Variants in PKLR observed in about 807,000 individuals in gnomAD.
PKLR encodes the protein pyruvate kinase PKLR.
A neutral mutation model predicts 53.6 loss-of-function variants in PKLR; 38 were observed. The ratio of observed to expected loss-of-function variants is 0.71; its 90% CI spans 0.55 to 0.93. The LOEUF (loss-of-function observed/expected upper bound fraction) is 0.93. PKLR is among the 40% of genes least tolerant of loss of function. The pLI, the probability that PKLR is intolerant of heterozygous loss-of-function variation, is 0.00. For synonymous variants in PKLR, 328 were observed against 316.2 expected (o/e 1.04, Z -0.39); for missense variants, 702 against 787.3 (o/e 0.89, Z 1.30).
upstream of PKLR, among the ~76,000 whole-genome samples, chr1:155,304,036 A>C (rs1648164217): frequency 1.3e-5 from 2 of 152,146 alleles, no homozygotes; most frequent in Non-Finnish European, 1.5e-5. Context: ...CGTGGCCCAT[A>C]GTGAAGATAG....
In PKLR at chr1:155,293,215, G is replaced by A. The variant is rs1463254465; in HGVS notation, c.1398C>T (p.Cys466=). 4 of 1,614,048 alleles carry A rather than the reference G, an allele frequency of 2.5e-6. No homozygotes were observed. Among genetic ancestry groups the A allele is most frequent in the Non-Finnish European group, 3.4e-6 (4 of 1,180,004 alleles). The part of the protein sequence containing the change: ...AIGAVEAAFK[C]CAAAIIVLTT... ...TCAGCACAATGATGGCAGCAGCACA[G>A]CACTTGAAGGCAGCCTCCACAGCAC... is the stretch of plus-strand genomic sequence containing the variant. The change falls in exon 9 of 11, where the codon TGC becomes TGT. Residue 466 remains cysteine, a synonymous_variant. Transcript: ENST00000342741. This position sits in a 1 kb window ranked among gnomAD's most constrained non-coding sequence, Gnocchi z 4.2.
upstream of PKLR, among the ~76,000 whole-genome samples, chr1:155,304,548 G>A (rs765843060): frequency 2.6e-5 from 4 of 151,770 alleles, no homozygotes; most frequent in African/African-American, 7.3e-5. Flanking sequence ...CAGTGAAGAC[G>A]AAGAGAGGGG....
At chr1:155,308,614 C>T in the PKLR span, 1 of 985,484 alleles carries the variant, frequency 1.0e-6, no homozygotes, top group Admixed American at 6.1e-5. Context: ...GCCAAAGCCA[C>T]AGCGGGGACG....
upstream of PKLR, among the ~76,000 whole-genome samples, chr1:155,304,575 A>G (rs758916797): frequency 2.0e-5 from 3 of 152,046 alleles, 1 homozygote; most frequent in Non-Finnish European, 2.9e-5. Context: ...TTGGAGATGC[A>G]TTTTGGAGAA....
chr1:155,296,882 G>A (rs1201913990), intron 2 of PKLR, among the ~76,000 whole-genome samples: 2 of 151,660 alleles, frequency 1.3e-5, no homozygotes, highest in African/African-American at 4.8e-5. Context: ...CACTGCATCT[G>A]TTCTTGTCAA....
In PKLR at chr1:155,292,594, A is replaced by G. The variant is rs779828000; in HGVS notation, c.1436+583T>C. Among the ~76,000 whole-genome samples the G allele has an allele frequency of 3.9e-5, 6 of 152,302 alleles. No homozygotes were observed. In the South Asian group the frequency reaches 1.2e-3, roughly 32 times the overall value. ...GAAGGTTGTGGTGAGCTGAGATTGCACCATTTTACTCCAGCCTGAGCAACA... is the reference window on the plus strand; with the variant it reads ...GAAGGTTGTGGTGAGCTGAGATTGCGCCATTTTACTCCAGCCTGAGCAACA... On this transcript the variant is annotated intron_variant, in intron 9 of 10. Coordinates refer to ENST00000342741, the MANE Select transcript of PKLR (RefSeq NM_000298.6).
chr1:155,299,038 T>TTCTTTCTTTCTTTCTTTC (rs1647819141), intron 2 of PKLR, among the ~76,000 whole-genome samples: 2 of 69,122 alleles, frequency 2.9e-5, no homozygotes, highest in African/African-American at 1.7e-4. Context: ...TTCTTTCTCT[T>TTCTTTCTTTCTTTCTTTC]TCTTTCTTTC....
chr1:155,297,181 T>G (rs1273857183), intron 2 of PKLR, among the ~76,000 whole-genome samples: 1 of 152,190 alleles, frequency 6.6e-6, no homozygotes, highest in Non-Finnish European at 1.5e-5. Context: ...ACCATCTATA[T>G]GTAGCCAACT....
At position 155,295,672 on chromosome 1, in the gene PKLR, G is replaced by A; in HGVS notation, c.368C>T (p.Ser123Phe). Residue 123 changes from serine (S) to phenylalanine (F), a missense_variant, in exon 3 of 11, where the codon TCC becomes TTC. Ser to Phe is a radical substitution (Grantham distance 155). Around this residue, in one of 2 missense-constraint regions of PKLR, gnomAD observed 519 missense variants for 537.1 expected, o/e 0.97. Coordinates refer to ENST00000342741, the MANE Select transcript of PKLR (RefSeq NM_000298.6). The surrounding 1 kb of genome is among the most constrained non-coding windows in gnomAD (Gnocchi z 4.3). ...CGGCGGCCCGTCCCGCACCTCGTGGGAGCCGTGGGAGAAGTTGAGTCGCGC... is the reference window on the plus strand; with the variant it reads ...CGGCGGCCCGTCCCGCACCTCGTGGAAGCCGTGGGAGAAGTTGAGTCGCGC... ...NIARLNFSHG[S>F]HEYHAESIAN... 1 of 1,614,142 alleles carries A rather than the reference G, an allele frequency of 6.2e-7. No homozygotes were observed. Among genetic ancestry groups the A allele is most frequent in the East Asian group, 2.2e-5 (1 of 44,864 alleles).
the PKLR span, among the ~76,000 whole-genome samples, chr1:155,307,983 AC>A: frequency 6.6e-6 from 1 of 151,730 alleles, no homozygotes; most frequent in South Asian, 2.1e-4. Flanking sequence ...TGCCATGTTG[AC>A]CAGGCTGGTC....
intron 10 of PKLR, among the ~76,000 whole-genome samples, chr1:155,291,364 C>T (rs981555933): frequency 2.6e-5 from 4 of 151,830 alleles, no homozygotes; most frequent in East Asian, 1.9e-4. Context: ...GGCGTGGTGG[C>T]GCATGCCTGT....
At chr1:155,294,836 G>T in intron 5 of PKLR, 84 bp from the exon 6 acceptor site, 3 of 1,520,092 alleles carry the variant, frequency 2.0e-6, no homozygotes, top group South Asian at 1.1e-5. Context: ...GCTTGGACCC[G>T]CAAGAGGTCA....
chr1:155,293,116 G>T lies in PKLR; in HGVS notation c.1436+61C>A, dbSNP rs1647307657. ...TGACCAGACTAAACCCAAGCCTGGG[G>T]CCCGTCCCAGCCCACCCCTGACCCA... On this transcript the variant is annotated intron_variant, in intron 9 of 10. Coordinates refer to ENST00000342741, the MANE Select transcript of PKLR (RefSeq NM_000298.6). This position sits in a 1 kb window ranked among gnomAD's most constrained non-coding sequence, Gnocchi z 4.2. 7 of 1,538,584 alleles carry T rather than the reference G, an allele frequency of 4.5e-6. No individual in the cohort carries two copies. Among genetic ancestry groups the T allele is most frequent in the Non-Finnish European group, 6.3e-6 (7 of 1,111,162 alleles).
chr1:155,291,976 A>T, intron 9 of PKLR, 39 bp from the exon 10 acceptor site: 1 of 1,592,944 alleles, frequency 6.3e-7, no homozygotes, highest in Non-Finnish European at 8.6e-7. Flanking sequence ...AACAGCAAGA[A>T]AGTGGTGAAC....
At position 155,295,079 on chromosome 1, in the gene PKLR, C is replaced by A. The variant is rs1444164555; in HGVS notation, c.694+37G>T. The A allele has an allele frequency of 1.2e-6, 2 of 1,600,162 alleles. No individual in the cohort carries two copies. Among genetic ancestry groups the A allele is most frequent in the East Asian group, 2.2e-5 (1 of 44,744 alleles). ...GCCAAGGAGAAGGGAATGTGCCCAG[C>A]GCACGGATGTGGTCAGGGCGGGAGG... On this transcript the variant is annotated intron_variant, in intron 5 of 10. Transcript: ENST00000342741. The surrounding 1 kb of genome is among the most constrained non-coding windows in gnomAD (Gnocchi z 4.3).
At chr1:155,291,070 T>TGAG (rs1674518388) in intron 10 of PKLR, among the ~76,000 whole-genome samples, 1 of 151,184 alleles carries the variant, frequency 6.6e-6, no homozygotes, top group Non-Finnish European at 1.5e-5. Context: ...AATTAGTCAT[T>TGAG]GAGGGACCAG....
intron 1 of PKLR, chr1:155,300,995 T>C: frequency 6.4e-7 from 1 of 1,555,148 alleles, no homozygotes; most frequent in African/African-American, 1.4e-5. Context: ...TGCAGACTGG[T>C]TAAAGTGTCA....
In PKLR at chr1:155,290,366, T is replaced by C. The variant is rs1572049607; in HGVS notation, c.*206A>G. On this transcript the variant is annotated 3_prime_UTR_variant, in exon 11 of 11. Transcript: ENST00000342741. ...TAATTGGACACAGACTTTCAGGACC[T>C]GTGTGAAATGGAGATGGGGAAGGGG... 5 of 596,144 alleles carry C rather than the reference T, an allele frequency of 8.4e-6. No individual in the cohort carries two copies. The East Asian group carries it at 1.4e-4, about 17-fold the overall frequency. 36.9% of individuals were successfully genotyped at this position (596,144 alleles called of 1,614,324 possible).
In PKLR at chr1:155,295,166, C is replaced by G. The variant is rs1052308239; in HGVS notation, c.644G>C (p.Gly215Ala). The G allele has an allele frequency of 6.2e-7, 1 of 1,613,944 alleles. No individual in the cohort carries two copies. The highest frequency in any genetic ancestry group is 8.5e-7 in the Non-Finnish European group (1 of 1,179,980). Residue 215 changes from glycine to alanine, a missense_variant, in exon 5 of 11, where the codon GGC becomes GCC. Gly to Ala is a moderately conservative substitution (Grantham distance 60, BLOSUM62 0). Coordinates refer to ENST00000342741, the MANE Select transcript of PKLR (RefSeq NM_000298.6). The surrounding 1 kb of genome is among the most constrained non-coding windows in gnomAD (Gnocchi z 4.3). ...PNIVRVVPVG[G>A]RIYIDDGLIS... is the part of the protein sequence containing the mutation. ...GAGCCCGTCGTCAATGTAGATGCGGCCCCCCACCGGCACGACCCGGACAAT... is the reference window on the plus strand; with the variant it reads ...GAGCCCGTCGTCAATGTAGATGCGGGCCCCCACCGGCACGACCCGGACAAT...
Sources: allele counts gnomAD v4.1 joint callset (sites outside exome capture counted in the v4.1 genomes callset), GRCh38; gene constraint gnomAD v4.1.1; regional missense constraint gnomAD v4.1.1; non-coding constraint Gnocchi (gnomAD v3.1); transcripts MANE v1.5; gene names NCBI Gene and HGNC (gene_info 2026-07-23, HGNC 2026-07-21).